The following KITLG variants were observed in gnomAD, a reference collection of about 807,000 sequenced individuals.
KITLG encodes the protein KIT ligand, also known as c-Kit ligand.
In KITLG, 13 loss-of-function variants were observed where a neutral mutation model predicts 34.1. The ratio of observed to expected loss-of-function variants is 0.38; its 90% confidence interval spans 0.25 to 0.61. The LOEUF (loss-of-function observed/expected upper bound fraction) is 0.61, where lower values mean the gene tolerates loss of function less well. Among genes scored for constraint, KITLG ranks in the 20% least tolerant of loss-of-function variants. The pLI, the probability that KITLG is intolerant of heterozygous loss-of-function variation, is 0.60. For synonymous variants in KITLG, 110 were observed against 104.0 expected (o/e 1.06, Z -0.35); for missense variants, 292 against 318.9 (o/e 0.92, Z 0.64).
At chr12:88,541,241 A>G (rs1193546195) in intron 2 of KITLG, among the ~76,000 whole-genome samples, 1 of 152,152 alleles carries the variant, frequency 6.6e-6, no homozygotes, top group East Asian at 1.9e-4. Context: ...CTATCACAAG[A>G]CCAGGAAGAC....
intron 1 of KITLG, among the ~76,000 whole-genome samples, chr12:88,546,487 TTC>T (rs150568477): frequency 6.6e-5 from 10 of 150,840 alleles, no homozygotes; most frequent in East Asian, 1.9e-4. Context: ...GTAATCTGTC[TTC>T]TCTCTCTCTC....
chr12:88,503,438 C>T (rs1868940152), intron 9 of KITLG, among the ~76,000 whole-genome samples: 1 of 152,042 alleles, frequency 6.6e-6, no homozygotes, highest in African/African-American at 2.4e-5. Flanking sequence ...AGTAAATAAT[C>T]CTTTGACAAT....
At chr12:88,506,236 A>T (rs1356867609) in intron 8 of KITLG, 75 bp downstream of exon 8, 1 of 1,006,206 alleles carries the variant, frequency 9.9e-7, no homozygotes, top group Non-Finnish European at 1.6e-6. Context: ...TCTTAAAGAC[A>T]TTATGGGCAG....
chr12:88,543,366 G>A (rs2120906501), intron 2 of KITLG, among the ~76,000 whole-genome samples: 1 of 152,152 alleles, frequency 6.6e-6, no homozygotes, highest in South Asian at 2.1e-4. Flanking sequence ...GCGGTGTTTG[G>A]TTTTCTGTTC....
chr12:88,502,888 CAAG>C (rs1411452372), intron 9 of KITLG, among the ~76,000 whole-genome samples: 1 of 114,972 alleles, frequency 8.7e-6, no homozygotes, highest in Non-Finnish European at 1.7e-5. Context: ...AAATGGCTGT[CAAG>C]AAGAAGAAAA....
chr12:88,535,984 G>A (rs1566026538), intron 2 of KITLG, among the ~76,000 whole-genome samples: 1 of 152,096 alleles, frequency 6.6e-6, no homozygotes, highest in Admixed American at 6.6e-5. Context: ...TCTGGACATT[G>A]GCCTTGGGGA....
chr12:88,516,494 G>T lies in KITLG; in HGVS notation c.364-4C>A. The T allele has an allele frequency of 6.3e-7, 1 of 1,588,282 alleles. No homozygotes were observed. Among genetic ancestry groups the T allele is most frequent in the Non-Finnish European group, 8.6e-7 (1 of 1,164,986 alleles). On this transcript the variant is annotated splice_region_variant and splice_polypyrimidine_tract_variant and intron_variant, in intron 4 of 9. Coordinates refer to ENST00000644744, the MANE Select transcript of KITLG (RefSeq NM_000899.5). ...TCTTGAATGATTTTTTTAGATCCTAGAAGAAAAAATAGGATTACATTTTTC... is the reference window on the plus strand; with the variant it reads ...TCTTGAATGATTTTTTTAGATCCTATAAGAAAAAATAGGATTACATTTTTC...
intron 2 of KITLG, chr12:88,534,851 T>C: frequency 5.7e-6 from 2 of 348,302 alleles, no homozygotes; most frequent in Non-Finnish European, 1.1e-5. Context: ...AAAAAGCGTC[T>C]AGTCATTTTA....
chr12:88,546,504 G>T (rs911576230), intron 1 of KITLG, among the ~76,000 whole-genome samples: 2 of 151,952 alleles, frequency 1.3e-5, no homozygotes, highest in Non-Finnish European at 2.9e-5. Context: ...TCTCTCTCTC[G>T]AACACACATA....
intron 2 of KITLG, among the ~76,000 whole-genome samples, chr12:88,543,777 G>C (rs1199470282): frequency 6.6e-6 from 1 of 152,112 alleles, no homozygotes; most frequent in Non-Finnish European, 1.5e-5. Context: ...ACATTAAAAA[G>C]TAGTTTTGCA....
chr12:88,532,230 A>G (rs953484094), intron 3 of KITLG, among the ~76,000 whole-genome samples: 2 of 152,054 alleles, frequency 1.3e-5, no homozygotes, highest in Non-Finnish European at 2.9e-5. Flanking sequence ...ATACAGGTCT[A>G]GGATATATGT....
chr12:88,515,474 A>G (rs1389115848), intron 6 of KITLG, 60 bp downstream of exon 6: 2 of 1,022,818 alleles, frequency 2.0e-6, no homozygotes, highest in Non-Finnish European at 3.1e-6. Context: ...AAGCCCATGC[A>G]ATACTCCTAT....
chr12:88,516,169 C>T (rs376126512), intron 5 of KITLG, among the ~76,000 whole-genome samples, 165 bp downstream of exon 5: 1 of 151,884 alleles, frequency 6.6e-6, no homozygotes, highest in African/African-American at 2.4e-5. Flanking sequence ...TAGAAACCCA[C>T]AAATCTACAA....
At chr12:88,521,710 T>C (rs1464983934) in intron 3 of KITLG, among the ~76,000 whole-genome samples, 3 of 152,204 alleles carry the variant, frequency 2.0e-5, no homozygotes, top group African/African-American at 7.2e-5. Context: ...TTTGATGCTT[T>C]ATTCGCCTGT....
intron 5 of KITLG, among the ~76,000 whole-genome samples, chr12:88,515,927 A>G (rs551603265): frequency 4.1e-4 from 63 of 151,998 alleles, no homozygotes; most frequent in South Asian, 1.0e-3. Flanking sequence ...GACCCAGTGA[A>G]GGGAAAAAAG....
At chr12:88,528,389 AAT>A (rs1243883638) in intron 3 of KITLG, among the ~76,000 whole-genome samples, 1 of 152,208 alleles carries the variant, frequency 6.6e-6, no homozygotes, top group African/African-American at 2.4e-5. Context: ...CATGTCAGGT[AAT>A]ATATTCCCAA....
In KITLG at chr12:88,579,517, G is replaced by A. The variant is rs1351912173; in HGVS notation, c.15+747C>T. The stretch of plus-strand genomic sequence containing the variant: ...CAGCGCTTTACCCACAGTGCTTTAT[G>A]TATAATGCAGAATTTAGCAGCACTG... On this transcript the variant is annotated intron_variant, in intron 1 of 9. Coordinates refer to ENST00000644744, the MANE Select transcript of KITLG (RefSeq NM_000899.5). Among the ~76,000 whole-genome samples, 3 of 152,292 alleles carry A rather than the reference G, an allele frequency of 2.0e-5. No individual in the cohort carries two copies. The East Asian group carries it at 5.8e-4, about 29-fold the overall frequency.
intron 3 of KITLG, among the ~76,000 whole-genome samples, chr12:88,523,729 A>G (rs1466303869): frequency 1.3e-5 from 2 of 152,216 alleles, no homozygotes; most frequent in African/African-American, 4.8e-5. Flanking sequence ...AAAATATTGC[A>G]TGTTCATGTT....
At chr12:88,521,806 C>T (rs180761634) in intron 3 of KITLG, among the ~76,000 whole-genome samples, 1 of 152,112 alleles carries the variant, frequency 6.6e-6, no homozygotes, top group South Asian at 2.1e-4. Flanking sequence ...CAATTTCTTA[C>T]CTTCTTTCTT....
Sources: allele counts gnomAD v4.1 joint callset (sites outside exome capture counted in the v4.1 genomes callset), GRCh38; gene constraint gnomAD v4.1.1; transcripts MANE v1.5; gene names NCBI Gene and HGNC (gene_info 2026-07-23, HGNC 2026-07-21).